NSG2: variants seen among roughly 807,000 people sequenced by gnomAD.
The protein encoded by NSG2 is neuronal vesicle trafficking-associated protein 2.
A neutral mutation model predicts 16.9 loss-of-function variants in NSG2; 4 were observed. The observed-to-expected ratio is 0.24, with a 90% CI of 0.12 to 0.54. The LOEUF (loss-of-function observed/expected upper bound fraction) is 0.54, where lower values mean the gene tolerates loss of function less well. Ranked by LOEUF, NSG2 falls within the 20% of genes least tolerant of loss-of-function variation. NSG2 has a pLI of 0.95. For synonymous variants in NSG2, 98 were observed against 88.7 expected, an observed-to-expected ratio of 1.11 and a Z score of -0.59; for missense variants, 179 against 221.1, an observed-to-expected ratio of 0.81 and a Z score of 1.21.
chr5:174,084,098 C>G (rs979119786), intron 3 of NSG2: 2 of 152,198 alleles, frequency 1.3e-5, no homozygotes, highest in Admixed American at 1.3e-4. Context: ...TGTTAACATA[C>G]CTGCCTCCAA....
chr5:174,104,239 T>C lies in NSG2; in HGVS notation c.225T>C (p.Leu75=). 3.1e-6 allele frequency: 5 copies of C among 1,614,018 alleles called. No homozygotes were observed. Among genetic ancestry groups the C allele is most frequent in the East Asian group, 2.2e-5 (1 of 44,858 alleles). ...TTGTATTCCTCCAGGTCACCATCCT[T>C]GTCAGCCTGGCCCTAGCTTTCCTTG... ...PKIAEFTVTI[L]VSLALAFLAC... Residue 75 remains leucine (L), a synonymous_variant, in exon 4 of 5, where the codon CTT becomes CTC. Coordinates refer to ENST00000303177, the MANE Select transcript of NSG2 (RefSeq NM_015980.5).
At chr5:174,082,524 T>C (rs1760499568) in intron 3 of NSG2, 1 of 152,250 alleles carries the variant, frequency 6.6e-6, no homozygotes, top group African/African-American at 2.4e-5. Context: ...TCCCTCCCTG[T>C]TGCAGGTCTG....
intron 3 of NSG2, among the ~76,000 whole-genome samples, chr5:174,086,143 C>T (rs1760615500): frequency 6.6e-6 from 1 of 152,158 alleles, no homozygotes; most frequent in South Asian, 2.1e-4. Context: ...CAGCTGGAAG[C>T]CAGCTCCTGG....
intron 3 of NSG2, among the ~76,000 whole-genome samples, chr5:174,081,041 A>T: frequency 6.6e-6 from 1 of 151,108 alleles, no homozygotes; most frequent in Non-Finnish European, 1.5e-5. Context: ...TTGTTTTTTA[A>T]CTGGGTATTA....
chr5:174,105,725 AC>A (rs1760969820), intron 4 of NSG2, among the ~76,000 whole-genome samples: 1 of 152,132 alleles, frequency 6.6e-6, no homozygotes, highest in Non-Finnish European at 1.5e-5. Flanking sequence ...ACGTGGAGAA[AC>A]CCCGTCTCTA....
At chr5:174,079,879 T>C (rs1760419815) in intron 3 of NSG2, among the ~76,000 whole-genome samples, 1 of 152,220 alleles carries the variant, frequency 6.6e-6, no homozygotes, top group African/African-American at 2.4e-5. Context: ...ACTTTAAAAA[T>C]TAAGGCCATC....
intron 3 of NSG2, among the ~76,000 whole-genome samples, chr5:174,091,885 T>A (rs1459065633): frequency 3.3e-5 from 5 of 152,214 alleles, no homozygotes; most frequent in African/African-American, 9.6e-5. Flanking sequence ...TTTTGCCATC[T>A]GAAAACCAGG....
At chr5:174,096,260 T>C (rs755439413) in intron 3 of NSG2, among the ~76,000 whole-genome samples, 5 of 152,142 alleles carry the variant, frequency 3.3e-5, no homozygotes, top group Non-Finnish European at 5.9e-5. Context: ...CTAGGAGAAG[T>C]GTCTTGAAGA....
At chr5:174,050,857 T>G (rs1029914419) in intron 2 of NSG2, among the ~76,000 whole-genome samples, 1 of 152,026 alleles carries the variant, frequency 6.6e-6, no homozygotes, top group Admixed American at 6.6e-5. Context: ...CTCCCTTTCA[T>G]GCGACTCACT....
chr5:174,073,693 A>C (rs1309986017), intron 3 of NSG2, among the ~76,000 whole-genome samples: 1 of 152,200 alleles, frequency 6.6e-6, no homozygotes, highest in East Asian at 1.9e-4. Context: ...TCTGAGACAG[A>C]AAACACACAT....
At chr5:174,048,354 TCTCCCAGGTGG>T (rs1176476771) in intron 2 of NSG2, among the ~76,000 whole-genome samples, 10 of 152,108 alleles carry the variant, frequency 6.6e-5, no homozygotes, top group African/African-American at 2.4e-4. Context: ...ATGAATGAAA[TCTCCCAGGTGG>T]CTCCTGCATG....
At chr5:174,098,576 T>G (rs1026837572) in intron 3 of NSG2, among the ~76,000 whole-genome samples, 1 of 152,130 alleles carries the variant, frequency 6.6e-6, no homozygotes, top group Non-Finnish European at 1.5e-5. Flanking sequence ...CCCAGTCCCC[T>G]CTCGCTTCCA....
At chr5:174,054,841 T>C (rs576220104) in intron 2 of NSG2, among the ~76,000 whole-genome samples, 4 of 152,360 alleles carry the variant, frequency 2.6e-5, no homozygotes, top group South Asian at 2.1e-4. Context: ...ATTCAAATCC[T>C]AACTCCACCT....
rs6870651 is a variant in NSG2 at position 174,108,213 on chromosome 5, C to T, written c.*708C>T. ...TGGGCTCTGAATGCCCACCCTGCGA[C>T]GGTGGGTTCTGCATCAGCAAACGCT... On this transcript the variant is annotated 3_prime_UTR_variant, in exon 5 of 5. Transcript: ENST00000303177. 0.02 allele frequency: 3,291 copies of T among 166,328 alleles called. 116 individuals are homozygous for T. Among genetic ancestry groups the T allele is most frequent in the African/African-American group, 0.07 (2,920 of 41,552 alleles). The allele number at this position is 166,328 out of a possible 1,614,324, so 10.3% of individuals were successfully genotyped here.
In NSG2 at chr5:174,061,882, C is replaced by T. The variant is rs932655619; in HGVS notation, c.130-2350C>T. Among the ~76,000 whole-genome samples the T allele has an allele frequency of 7.5e-5, 11 of 146,684 alleles. No individual in the cohort carries two copies. In the East Asian group the frequency reaches 1.2e-3, roughly 16 times the overall value. ...CCTCCCAAAGGGCTGGGATTACAGG[C>T]GGGAGCCACTGTGCCGAGCCCCCAA... On this transcript the variant is annotated intron_variant, in intron 2 of 4. Coordinates refer to ENST00000303177, the MANE Select transcript of NSG2 (RefSeq NM_015980.5).
At chr5:174,097,211 C>G (rs1395221665) in intron 3 of NSG2, among the ~76,000 whole-genome samples, 1 of 152,102 alleles carries the variant, frequency 6.6e-6, no homozygotes, top group Admixed American at 6.5e-5. Context: ...TTGAATTCTT[C>G]CTCTCTTCTG....
chr5:174,100,584 G>C (rs1037551227), intron 3 of NSG2, among the ~76,000 whole-genome samples: 1 of 152,014 alleles, frequency 6.6e-6, no homozygotes, highest in Non-Finnish European at 1.5e-5. Context: ...TGTGAAGCAG[G>C]GTTTGAAACC....
chr5:174,080,229 ATTC>A (rs1228281094), intron 3 of NSG2, among the ~76,000 whole-genome samples: 1 of 151,382 alleles, frequency 6.6e-6, no homozygotes. Context: ...TGTGTAAATT[ATTC>A]TTCTCTCATT....
In NSG2 at chr5:174,108,419, CTT is replaced by C. The variant is rs1050829266; in HGVS notation, c.*917_*918del. ...ACAAGCGATAAGCACAGGCACCTGA[CTT>C]TTAAGTTTTTGTTTGTTTGTTGTTT... is the stretch of plus-strand genomic sequence containing the variant. On this transcript the variant is annotated 3_prime_UTR_variant, in exon 5 of 5. Coordinates refer to ENST00000303177, the MANE Select transcript of NSG2 (RefSeq NM_015980.5). 6.6e-6 allele frequency: 1 copy of C among 152,504 alleles called. No individual in the cohort carries two copies. Among genetic ancestry groups the C allele is most frequent in the Non-Finnish European group, 1.5e-5 (1 of 68,218 alleles). The allele number at this position is 152,504 out of a possible 1,614,324, so 9.4% of individuals were successfully genotyped here.
Sources: gnomAD v4.1 joint callset for allele counts (sites outside exome capture counted in the v4.1 genomes callset) on GRCh38, gnomAD v4.1.1 for gene constraint, MANE v1.5 for transcripts, NCBI Gene and HGNC (gene_info 2026-07-23, HGNC 2026-07-21) for gene names.